The following OGN variants were observed in gnomAD, a reference collection of about 807,000 sequenced individuals.
OGN encodes the protein osteoglycin, also known as mimecan.
Under a neutral mutation model 30.8 loss-of-function variants are expected in OGN, and 19 were observed. The observed-to-expected ratio is 0.62, with a 90% confidence interval of 0.43 to 0.90. The LOEUF (loss-of-function observed/expected upper bound fraction) is 0.90, where lower values mean the gene tolerates loss of function less well. Ranked by LOEUF, OGN falls within the 40% of genes least tolerant of loss-of-function variation. The pLI, the probability that OGN is intolerant of heterozygous loss-of-function variation, is 0.00. For synonymous variants in OGN, 126 were observed against 128.3 expected, an observed-to-expected ratio of 0.98 and a Z score of 0.12; for missense variants, 283 against 349.7, an observed-to-expected ratio of 0.81 and a Z score of 1.52.
chr9:92,389,999 G>C lies in OGN; in HGVS notation c.485C>G (p.Thr162Ser). Residue 162 changes from threonine (T) to serine (S), a missense_variant, in exon 5 of 7, where the codon ACT (threonine) becomes AGT (serine). Thr to Ser is a moderately conservative substitution (Grantham distance 58). Coordinates refer to ENST00000375561, the MANE Select transcript of OGN (RefSeq NM_014057.5). Reference sequence around the variant, plus strand: ...TTCTAACAGAGAAAGTTTTGAAAAAGTACCATCTTCTATATCTTCTATCAA... The same window carrying C: ...TTCTAACAGAGAAAGTTTTGAAAAACTACCATCTTCTATATCTTCTATCAA... ...GNLIEDIEDGTFSKLSLLEEL... is the reference protein window; with the variant it reads ...GNLIEDIEDGSFSKLSLLEEL... 6.2e-7 allele frequency: 1 copy of C among 1,609,886 alleles called. No individual in the cohort carries two copies. Among genetic ancestry groups the C allele is most frequent in the Non-Finnish European group, 8.5e-7 (1 of 1,176,726 alleles).
chr9:92,403,111 G>A (rs371195843), intron 2 of OGN, 123 bp downstream of exon 2: 26 of 606,080 alleles, frequency 4.3e-5, no homozygotes, highest in Middle Eastern at 4.5e-4. Context: ...TTATGAATTC[G>A]TTTGAATCAT....
chr9:92,395,004 T>A (rs952795928), intron 3 of OGN, among the ~76,000 whole-genome samples: 5 of 152,216 alleles, frequency 3.3e-5, no homozygotes, highest in Non-Finnish European at 7.3e-5. Context: ...TGTCACAGAT[T>A]AGGCCCTTTC....
At chr9:92,400,423 A>C (rs1198847653) in intron 3 of OGN, among the ~76,000 whole-genome samples, 2 of 152,254 alleles carry the variant, frequency 1.3e-5, no homozygotes, top group Non-Finnish European at 2.9e-5. Context: ...TACTGGGATT[A>C]CAGGCGTGAG....
In OGN at chr9:92,385,130, G is replaced by A. The variant is rs1288409114; in HGVS notation, c.*490C>T. ...GCTGCCTTGATAGGAGGAAAACAAA[G>A]TTCTTACTTTATAAGGAATAACGTA... On this transcript the variant is annotated 3_prime_UTR_variant, in exon 7 of 7. Coordinates refer to ENST00000375561, the MANE Select transcript of OGN (RefSeq NM_014057.5). 6.6e-6 allele frequency: 1 copy of A among 152,634 alleles called. No homozygotes were observed. The highest frequency in any genetic ancestry group is 2.4e-5 in the African/African-American group (1 of 41,432). 9.5% of individuals were successfully genotyped at this position (152,634 alleles called of 1,614,324 possible).
chr9:92,385,542 A>G lies in OGN; in HGVS notation c.*78T>C. On this transcript the variant is annotated 3_prime_UTR_variant, in exon 7 of 7. Coordinates refer to ENST00000375561, the MANE Select transcript of OGN (RefSeq NM_014057.5). Reference sequence around the variant, plus strand: ...GATACAAGGTTAATATTAAACCAATACTTAAGTTCCTTTACTCATTGTTGA... The same window carrying G: ...GATACAAGGTTAATATTAAACCAATGCTTAAGTTCCTTTACTCATTGTTGA... 1 of 1,243,006 alleles carries G rather than the reference A, an allele frequency of 8.0e-7. No homozygotes were observed. 77.0% of individuals were successfully genotyped at this position (1,243,006 alleles called of 1,614,324 possible).
chr9:92,392,905 T>G (rs1312496307), intron 4 of OGN, among the ~76,000 whole-genome samples, 181 bp downstream of exon 4: 2 of 151,894 alleles, frequency 1.3e-5, no homozygotes, highest in African/African-American at 4.8e-5. Context: ...TCACAGGATC[T>G]GTCTAAGTGG....
chr9:92,389,651 G>A, intron 5 of OGN: 1 of 433,524 alleles, frequency 2.3e-6, no homozygotes, highest in Admixed American at 4.0e-5. Flanking sequence ...TAAAATAAAG[G>A]TTATGTATTT....
At chr9:92,403,189 A>T in intron 2 of OGN, 45 bp downstream of exon 2, 1 of 1,316,756 alleles carries the variant, frequency 7.6e-7, no homozygotes, top group African/African-American at 1.5e-5. Context: ...ATGCATTTAA[A>T]TGGGCAGTAT....
chr9:92,388,521 A>G (rs1842530279), intron 5 of OGN, among the ~76,000 whole-genome samples: 1 of 151,902 alleles, frequency 6.6e-6, no homozygotes, highest in African/African-American at 2.4e-5. Context: ...AACTCAAATT[A>G]ATATTTTCAA....
At chr9:92,387,330 T>C (rs1395242774) in intron 5 of OGN, among the ~76,000 whole-genome samples, 2 of 151,026 alleles carry the variant, frequency 1.3e-5, no homozygotes, top group Non-Finnish European at 3.0e-5. Context: ...GAGCCGAGAT[T>C]GTGCCACTGC....
At chr9:92,397,495 T>G (rs1588096008) in intron 3 of OGN, among the ~76,000 whole-genome samples, 1 of 151,930 alleles carries the variant, frequency 6.6e-6, no homozygotes, top group Non-Finnish European at 1.5e-5. Context: ...CCCAGCTAAT[T>G]TTTTTTGTAT....
Position 92,390,060 on chromosome 9 carries a change from G to T in OGN, c.428-4C>A. ...AAATCGAGTCTTCTTAAGTTAGCTA[G>T]AGGGAAAAAAATATAAAAAACAACT... On this transcript the variant is annotated splice_polypyrimidine_tract_variant and splice_region_variant and intron_variant, in intron 4 of 6. Coordinates refer to ENST00000375561, the MANE Select transcript of OGN (RefSeq NM_014057.5). 2.0e-6 allele frequency: 3 copies of T among 1,528,096 alleles called. No homozygotes were observed. The East Asian group carries it at 6.8e-5, about 35-fold the overall frequency. 94.7% of individuals were successfully genotyped at this position (1,528,096 alleles called of 1,614,324 possible).
chr9:92,389,730 G>A (rs1842590597), intron 5 of OGN, 124 bp downstream of exon 5: 2 of 641,388 alleles, frequency 3.1e-6, no homozygotes, highest in Admixed American at 3.2e-5. Flanking sequence ...TGTAAATAAT[G>A]TCTTCATTTA....
At chr9:92,394,664 G>A (rs1481090474) in intron 3 of OGN, among the ~76,000 whole-genome samples, 4 of 151,932 alleles carry the variant, frequency 2.6e-5, no homozygotes, top group Admixed American at 1.3e-4. Context: ...GAGTGCAGTG[G>A]TGTGATCTCG....
chr9:92,393,271 T>C (rs1842762226), intron 3 of OGN, 27 bp from the exon 4 acceptor site: 1 of 1,554,456 alleles, frequency 6.4e-7, no homozygotes. Flanking sequence ...ATCATAAAAA[T>C]ATGAACAATC....
intron 3 of OGN, among the ~76,000 whole-genome samples, chr9:92,399,155 T>G (rs1843007917): frequency 6.6e-6 from 1 of 152,178 alleles, no homozygotes; most frequent in South Asian, 2.1e-4. Flanking sequence ...AAGCATTGTG[T>G]TGATTTGCCT....
chr9:92,386,056 CT>C, intron 6 of OGN, 144 bp downstream of exon 6: 1 of 674,024 alleles, frequency 1.5e-6, no homozygotes, highest in Non-Finnish European at 2.6e-6. Flanking sequence ...TAGTATTAAT[CT>C]TTTTGATAGG....
Position 92,391,539 on chromosome 9 carries a change from C to G in OGN, c.428-1483G>C, listed in dbSNP as rs1379944658. On this transcript the variant is annotated intron_variant, in intron 4 of 6. Transcript: ENST00000375561. ...CCTTGAACCCAGGAGGCAGAGGCTG[C>G]AGTGAGCTGAGATCACACCACTGCA... Among the ~76,000 whole-genome samples the G allele has an allele frequency of 2.0e-5, 3 of 152,268 alleles. No homozygotes were observed. The East Asian group carries it at 5.8e-4, about 29-fold the overall frequency.
At position 92,385,793 on chromosome 9, in the gene OGN, GA is replaced by G. The variant is rs752333372; in HGVS notation, c.727-4del. 1.7e-5 allele frequency: 28 copies of G among 1,606,400 alleles called. No homozygotes were observed. The highest frequency in any genetic ancestry group is 2.2e-5 in the Non-Finnish European group (26 of 1,176,314). Reference sequence around the variant, plus strand: ...GTAATTGAAGCTATGTTGTTGAACTGAAAAAAAACGAGGAAAACATTGTTCA... The same window carrying G: ...GTAATTGAAGCTATGTTGTTGAACTGAAAAAAACGAGGAAAACATTGTTCA... On this transcript the variant is annotated splice_region_variant and splice_polypyrimidine_tract_variant and intron_variant, in intron 6 of 6. Coordinates refer to ENST00000375561, the MANE Select transcript of OGN (RefSeq NM_014057.5).
Sources: gnomAD v4.1 joint callset for allele counts (sites outside exome capture counted in the v4.1 genomes callset) on GRCh38, gnomAD v4.1.1 for gene constraint, MANE v1.5 for transcripts, NCBI Gene and HGNC (gene_info 2026-07-23, HGNC 2026-07-21) for gene names.